MDGA2: variants seen among roughly 807,000 people sequenced by gnomAD.
MDGA2 encodes MAM domain containing glycosylphosphatidylinositol anchor 2.
In MDGA2, 40 loss-of-function variants were observed where a neutral mutation model predicts 117.8. The ratio of observed to expected loss-of-function variants is 0.34; its 90% CI spans 0.26 to 0.44. The LOEUF (loss-of-function observed/expected upper bound fraction) is 0.44, where lower values mean the gene tolerates loss of function less well. MDGA2 is among the 20% of genes least tolerant of loss of function. The pLI is 1.00. For synonymous variants in MDGA2, 452 were observed against 439.0 expected (o/e 1.03, Z -0.37); for missense variants, 1,123 against 1,250.6 (o/e 0.90, Z 1.54).
At chr14:47,181,258 G>A (rs911883128) in intron 3 of MDGA2, among the ~76,000 whole-genome samples, 13 of 151,918 alleles carry the variant, frequency 8.6e-5, no homozygotes, top group African/African-American at 3.1e-4. Context: ...AATAGACCCT[G>A]GTGTGTGATG....
Position 46,900,475 on chromosome 14 carries a change from G to T in MDGA2, c.2239-18254C>A, listed in dbSNP as rs1238979026. On this transcript the variant is annotated intron_variant, in intron 10 of 16. Coordinates refer to ENST00000399232, the MANE Select transcript of MDGA2 (RefSeq NM_001113498.3). ...ACAACCCAAATGTATTTTAAAGAAA[G>T]AATTATTAAACAAACTGTAGGACAC... Among the ~76,000 whole-genome samples the T allele has an allele frequency of 5.9e-5, 9 of 152,152 alleles. No homozygotes were observed. In the East Asian group the frequency reaches 1.7e-3, roughly 29 times the overall value.
intron 1 of MDGA2, among the ~76,000 whole-genome samples, chr14:47,406,427 T>A (rs1330558830): frequency 6.6e-6 from 1 of 152,064 alleles, no homozygotes; most frequent in Non-Finnish European, 1.5e-5. Flanking sequence ...AAATTTAGCA[T>A]GCTTTATTAA....
intron 1 of MDGA2, among the ~76,000 whole-genome samples, chr14:47,318,437 G>A (rs1249185125): frequency 6.6e-6 from 1 of 151,952 alleles, no homozygotes; most frequent in African/African-American, 2.4e-5. Context: ...CAGCTCCAGT[G>A]TCCCCTCCTC....
At chr14:47,200,607 C>A in intron 3 of MDGA2, 3 of 1,243,358 alleles carry the variant, frequency 2.4e-6, no homozygotes, top group Non-Finnish European at 3.4e-6. Context: ...TTGAAGACCT[C>A]TGTATATTTG....
chr14:47,597,937 CATTG>C lies in MDGA2; in HGVS notation c.280+76576_280+76579del, dbSNP rs552599660. On this transcript the variant is annotated intron_variant, in intron 1 of 16. Transcript: ENST00000399232. ...TAGATATAATTACCCAAGAAAAAAA[CATTG>C]ATTGATTAAGACATTGAGCGTGCGT... is the stretch of plus-strand genomic sequence containing the variant. 4.6e-4 allele frequency among the ~76,000 whole-genome samples: 70 copies of C among 150,876 alleles called. 2 individuals are homozygous for C. The South Asian group carries it at 0.013, about 28-fold the overall frequency.
At position 47,561,163 on chromosome 14, in the gene MDGA2, G is replaced by GTT. The variant is rs1309865250; in HGVS notation, c.280+113352_280+113353dup. ...TTTGTTTTTTTTTTTGTTTTGTTTT[G>GTT]TTTTTTTGTTTGTTTGTTTTTTTTT... On this transcript the variant is annotated intron_variant, in intron 1 of 16. Coordinates refer to ENST00000399232, the MANE Select transcript of MDGA2 (RefSeq NM_001113498.3). 6.9e-4 allele frequency among the ~76,000 whole-genome samples: 58 copies of GTT among 83,862 alleles called. 1 individual carries two copies. Among genetic ancestry groups the GTT allele is most frequent in the Middle Eastern group, 5.3e-3 (1 of 190 alleles). 55.0% of individuals were successfully genotyped at this position (83,862 alleles called of 152,430 possible).
chr14:47,209,079 A>T (rs1388612009), intron 3 of MDGA2, among the ~76,000 whole-genome samples: 2 of 152,062 alleles, frequency 1.3e-5, no homozygotes, highest in Admixed American at 6.6e-5. Flanking sequence ...TAACATATTT[A>T]GTGAGAGGGC....
intron 3 of MDGA2, chr14:47,200,758 G>C (rs113480226): frequency 3.5e-6 from 3 of 856,986 alleles, no homozygotes; most frequent in Non-Finnish European, 1.9e-6. Context: ...AGCCAACCTC[G>C]TGAGCCAGGC....
chr14:46,998,176 G>T (rs1239254983), intron 8 of MDGA2, among the ~76,000 whole-genome samples: 1 of 152,094 alleles, frequency 6.6e-6, no homozygotes, highest in African/African-American at 2.4e-5. Context: ...AGGCATGGTG[G>T]CTCACACCTA....
chr14:47,383,720 T>C (rs1436647961), intron 1 of MDGA2, among the ~76,000 whole-genome samples: 1 of 152,080 alleles, frequency 6.6e-6, no homozygotes, highest in Non-Finnish European at 1.5e-5. Flanking sequence ...AGACAGGGTT[T>C]CACAATGTTG....
intron 14 of MDGA2, among the ~76,000 whole-genome samples, chr14:46,861,448 G>C (rs1306186152): frequency 6.6e-6 from 1 of 151,616 alleles, no homozygotes; most frequent in African/African-American, 2.4e-5. Flanking sequence ...TCAAACTTGA[G>C]TTATTTCTAT....
chr14:47,394,647 T>C (rs1278330068), intron 1 of MDGA2, among the ~76,000 whole-genome samples: 4 of 152,310 alleles, frequency 2.6e-5, no homozygotes, highest in African/African-American at 7.2e-5. Context: ...TATTTGTTAC[T>C]GGTCTCTTTA....
At chr14:47,076,752 T>C (rs1294129489) in intron 6 of MDGA2, among the ~76,000 whole-genome samples, 1 of 152,126 alleles carries the variant, frequency 6.6e-6, no homozygotes, top group Non-Finnish European at 1.5e-5. Flanking sequence ...GAGAATCTTA[T>C]AAAGCTATTA....
At chr14:47,527,656 A>C (rs1420143153) in intron 1 of MDGA2, among the ~76,000 whole-genome samples, 2 of 152,294 alleles carry the variant, frequency 1.3e-5, no homozygotes, top group Non-Finnish European at 2.9e-5. Flanking sequence ...AGTTTCAAGA[A>C]GTGGATATGA....
chr14:47,217,276 T>C (rs1166309918), intron 3 of MDGA2, among the ~76,000 whole-genome samples: 3 of 151,752 alleles, frequency 2.0e-5, no homozygotes, highest in African/African-American at 7.3e-5. Flanking sequence ...ACCTAAAAAT[T>C]AAAATGCAAA....
intron 1 of MDGA2, among the ~76,000 whole-genome samples, chr14:47,639,242 G>A (rs1444339584): frequency 6.6e-6 from 1 of 152,086 alleles, no homozygotes; most frequent in Admixed American, 6.6e-5. Flanking sequence ...TAGAATGTAA[G>A]CTCCATGTGA....
intron 1 of MDGA2, among the ~76,000 whole-genome samples, chr14:47,418,431 A>C (rs541887080): frequency 6.6e-6 from 1 of 152,244 alleles, no homozygotes; most frequent in East Asian, 1.9e-4. Flanking sequence ...TCCAAGATCA[A>C]GGTGCTGAAA....
chr14:47,106,949 G>T (rs1202908374), intron 5 of MDGA2, among the ~76,000 whole-genome samples: 1 of 121,382 alleles, frequency 8.2e-6, no homozygotes, highest in Non-Finnish European at 1.7e-5. Context: ...TTATTAGGCC[G>T]AGACACTTTA....
At chr14:47,042,619 A>C (rs903905906) in intron 7 of MDGA2, among the ~76,000 whole-genome samples, 2 of 152,080 alleles carry the variant, frequency 1.3e-5, no homozygotes, top group Non-Finnish European at 2.9e-5. Flanking sequence ...TCGGATTTTG[A>C]AGTTTTGAGA....
Sources: gnomAD v4.1 joint callset for allele counts (sites outside exome capture counted in the v4.1 genomes callset) on GRCh38, gnomAD v4.1.1 for gene constraint, MANE v1.5 for transcripts, NCBI Gene and HGNC (gene_info 2026-07-23, HGNC 2026-07-21) for gene names.